The following EDA variants were observed in gnomAD, a reference collection of about 807,000 sequenced individuals.
EDA encodes the protein ectodysplasin-A.
In EDA, 2 loss-of-function variants were observed where a neutral mutation model predicts 23.6. The ratio of observed to expected loss-of-function variants is 0.08; its 90% CI spans 0.03 to 0.27. The LOEUF is 0.27. Among genes scored for constraint, EDA ranks in the 10% least tolerant of loss-of-function variants. The pLI is 1.00. For missense variants in EDA, 229 were observed against 324.2 expected (o/e 0.71, Z 2.26); for synonymous variants, 131 against 132.0 (o/e 0.99, Z 0.05).
intron 1 of EDA, among the ~76,000 whole-genome samples, chrX:69,841,440 A>G (rs996195231): frequency 1.8e-5 from 2 of 111,936 alleles, no homozygotes; most frequent in Non-Finnish European, 3.8e-5. Context: ...CCCAGGCTCA[A>G]GTAGTTCTCC....
intron 2 of EDA, among the ~76,000 whole-genome samples, chrX:70,019,811 G>T (rs144596988): frequency 0.011 from 1,210 of 111,343 alleles, 19 homozygotes; most frequent in African/African-American, 0.037. Context: ...TATTACCTGG[G>T]TGATGAAATA....
intron 1 of EDA, among the ~76,000 whole-genome samples, chrX:69,636,331 C>T (rs779972937): frequency 9.1e-6 from 1 of 110,413 alleles, no homozygotes; most frequent in Admixed American, 9.8e-5. Flanking sequence ...CTTCCTGAGG[C>T]CCTTCCCAGA....
intron 1 of EDA, among the ~76,000 whole-genome samples, chrX:69,728,176 G>A (rs2012879099): frequency 9.2e-6 from 1 of 108,988 alleles, no homozygotes; most frequent in South Asian, 4.2e-4. Context: ...ACAAGGAGGC[G>A]GAGGTTTCGG....
intron 1 of EDA, chrX:69,620,985 C>G (rs902790213): frequency 2.9e-6 from 1 of 346,069 alleles, no homozygotes; most frequent in African/African-American, 2.7e-5. Context: ...TCACTGATTT[C>G]TAGAATAATT....
chrX:69,799,087 T>C (rs1467912266), intron 1 of EDA, among the ~76,000 whole-genome samples: 1 of 110,897 alleles, frequency 9.0e-6, no homozygotes, highest in Non-Finnish European at 1.9e-5. Context: ...AGAATATACA[T>C]TGGGGAAAGG....
chrX:69,829,741 A>G lies in EDA; in HGVS notation c.397-127286A>G, dbSNP rs190960242. 4.5e-5 allele frequency among the ~76,000 whole-genome samples: 5 copies of G among 111,787 alleles called. No individual in the cohort carries two copies. In the East Asian group the frequency reaches 1.4e-3, roughly 32 times the overall value. Reference sequence around the variant, plus strand: ...TTCTTCCCAGGGTCTAGTGAAGATGACCACCTGCTTGCCTTGGCTTTAACT... The same window carrying G: ...TTCTTCCCAGGGTCTAGTGAAGATGGCCACCTGCTTGCCTTGGCTTTAACT... On this transcript the variant is annotated intron_variant, in intron 1 of 7. Transcript: ENST00000374552.
At chrX:69,926,899 G>A (rs776918383) in intron 1 of EDA, among the ~76,000 whole-genome samples, 48 of 111,416 alleles carry the variant, frequency 4.3e-4, no homozygotes, top group Non-Finnish European at 2.6e-4. Flanking sequence ...TGCCTTTACC[G>A]TTTTGTAATA....
chrX:69,664,053 G>C (rs1933600114), intron 1 of EDA, among the ~76,000 whole-genome samples: 1 of 112,088 alleles, frequency 8.9e-6, no homozygotes, highest in South Asian at 3.7e-4. Context: ...GACTTGCCTT[G>C]TGTCAAATGA....
At chrX:69,993,364 C>T (rs953113984) in intron 2 of EDA, among the ~76,000 whole-genome samples, 5 of 111,253 alleles carry the variant, frequency 4.5e-5, no homozygotes, top group Non-Finnish European at 1.9e-5. Context: ...GGGATTAACA[C>T]TGATTAAGTA....
At chrX:69,788,419 G>C (rs1189164589) in intron 1 of EDA, among the ~76,000 whole-genome samples, 1 of 111,758 alleles carries the variant, frequency 8.9e-6, no homozygotes, top group Admixed American at 9.5e-5. Context: ...CCATCTTTGT[G>C]GTTTTATCTA....
chrX:69,836,780 C>T, intron 1 of EDA, among the ~76,000 whole-genome samples: 1 of 111,973 alleles, frequency 8.9e-6, no homozygotes, highest in Non-Finnish European at 1.9e-5. Context: ...CCAGGTACCT[C>T]AGCTGGAAAT....
intron 1 of EDA, among the ~76,000 whole-genome samples, chrX:69,956,756 T>C (rs941707412): frequency 1.8e-5 from 2 of 112,102 alleles, no homozygotes; most frequent in African/African-American, 3.2e-5. Context: ...CCCAGAAATA[T>C]ATGAAGAAAT....
chrX:69,817,302 C>G (rs2016103848), intron 1 of EDA, among the ~76,000 whole-genome samples: 1 of 111,073 alleles, frequency 9.0e-6, no homozygotes, highest in Admixed American at 9.6e-5. Context: ...TATGAAGCAA[C>G]CACATAAACA....
At chrX:69,808,631 T>G (rs988398163) in intron 1 of EDA, among the ~76,000 whole-genome samples, 4 of 110,969 alleles carry the variant, frequency 3.6e-5, no homozygotes, top group Non-Finnish European at 5.7e-5. Context: ...CTGAAAGAAG[T>G]TGGATGTGGT....
intron 2 of EDA, among the ~76,000 whole-genome samples, chrX:69,963,616 C>G (rs1471364144): frequency 3.6e-5 from 4 of 111,754 alleles, no homozygotes; most frequent in African/African-American, 9.8e-5. Context: ...GCTCATACTC[C>G]AAAATATCCT....
At chrX:69,828,685 G>A (rs1192400836) in intron 1 of EDA, among the ~76,000 whole-genome samples, 1 of 112,404 alleles carries the variant, frequency 8.9e-6, no homozygotes, top group Non-Finnish European at 1.9e-5. Context: ...GCTGGGAGCT[G>A]TAGACCGGAG....
At chrX:69,997,266 G>A (rs1474567751) in intron 2 of EDA, among the ~76,000 whole-genome samples, 3 of 111,995 alleles carry the variant, frequency 2.7e-5, no homozygotes, top group African/African-American at 9.8e-5. Flanking sequence ...GTCTCAGATA[G>A]AGATGAGGAA....
intron 2 of EDA, among the ~76,000 whole-genome samples, chrX:69,972,859 C>G (rs1239362484): frequency 8.9e-6 from 1 of 111,789 alleles, no homozygotes; most frequent in Non-Finnish European, 1.9e-5. Flanking sequence ...CTTCCAACTA[C>G]CTATTGCTTT....
At chrX:69,620,522 A>G in intron 1 of EDA, 1 of 148,324 alleles carries the variant, frequency 6.7e-6, no homozygotes. Flanking sequence ...ACAATGAATA[A>G]ATCCAAGGAT....
Sources: gnomAD v4.1 joint callset for allele counts (sites outside exome capture counted in the v4.1 genomes callset) on GRCh38, gnomAD v4.1.1 for gene constraint, MANE v1.5 for transcripts, NCBI Gene and HGNC (gene_info 2026-07-23, HGNC 2026-07-21) for gene names.